The following LRP6 variants were observed in gnomAD, a reference collection of about 807,000 sequenced individuals.
The protein encoded by LRP6 is low-density lipoprotein receptor-related protein 6.
Under a neutral mutation model 184.1 loss-of-function variants are expected in LRP6, and 43 were observed. That is an observed-to-expected ratio of 0.23 (90% CI 0.18 to 0.30). The LOEUF (loss-of-function observed/expected upper bound fraction) is 0.30, where lower values mean the gene tolerates loss of function less well. Ranked by LOEUF, LRP6 falls within the 10% of genes least tolerant of loss-of-function variation. The pLI, the probability that LRP6 is intolerant of heterozygous loss-of-function variation, is 1.00. For missense variants in LRP6, 1,571 were observed against 2,005.3 expected, an observed-to-expected ratio of 0.78 and a Z score of 4.14; for synonymous variants, 719 against 684.9, an observed-to-expected ratio of 1.05 and a Z score of -0.78.
Position 12,164,425 on chromosome 12 carries a change from G to A in LRP6, c.1900C>T (p.Leu634Phe). 6.2e-7 allele frequency: 1 copy of A among 1,614,152 alleles called. No individual in the cohort carries two copies. The change falls in exon 9 of 23, where the codon CTT (leucine) becomes TTT (phenylalanine). Residue 634 changes from leucine (L) to phenylalanine (F), a missense_variant. By Grantham distance (22) the Leu-to-Phe change is conservative. This residue lies in a region of LRP6 where 640 missense variants were observed against 851.9 expected (regional missense o/e 0.75). Transcript: ENST00000261349. Reference sequence around the variant, plus strand: ...ATATCTGCTCTCCGTGAAAACAAAAGGAAAGCCTCTGGGACAATGCAGGTC... The same window carrying A: ...ATATCTGCTCTCCGTGAAAACAAAAAGAAAGCCTCTGGGACAATGCAGGTC... Reference protein sequence around the residue: ...MKTCIVPEAFLLFSRRADIRR... With the variant: ...MKTCIVPEAFFLFSRRADIRR...
intron 11 of LRP6, 70 bp from the exon 12 acceptor site, chr12:12,159,225 C>T: frequency 2.5e-6 from 3 of 1,187,272 alleles, no homozygotes; most frequent in Non-Finnish European, 3.7e-6. Flanking sequence ...AAGTGTCTTG[C>T]TGGCAAAAAG....
intron 7 of LRP6, among the ~76,000 whole-genome samples, chr12:12,172,727 A>G (rs1297024945): frequency 6.6e-6 from 1 of 152,256 alleles, no homozygotes; most frequent in Non-Finnish European, 1.5e-5. Context: ...AACATAAAAT[A>G]TAATTTCACA....
intron 15 of LRP6, among the ~76,000 whole-genome samples, chr12:12,141,258 G>T (rs745596673): frequency 1.6e-4 from 25 of 152,070 alleles, no homozygotes; most frequent in Non-Finnish European, 3.4e-4. Context: ...CAAAGGCACA[G>T]TATCAAATTC....
chr12:12,129,924 C>T (rs1048352696), intron 19 of LRP6, among the ~76,000 whole-genome samples: 9 of 152,278 alleles, frequency 5.9e-5, no homozygotes, highest in Non-Finnish European at 1.2e-4. Flanking sequence ...AATAAGCTGA[C>T]TACTCTCTCA....
intron 22 of LRP6, among the ~76,000 whole-genome samples, chr12:12,122,659 G>GT (rs1323817864): frequency 6.6e-6 from 1 of 151,810 alleles, no homozygotes; most frequent in Non-Finnish European, 1.5e-5. Context: ...GCAAGACCCC[G>GT]TCTCTACAAA....
At chr12:12,235,514 T>G (rs1390823141) in intron 2 of LRP6, among the ~76,000 whole-genome samples, 2 of 151,812 alleles carry the variant, frequency 1.3e-5, no homozygotes, top group Admixed American at 1.3e-4. Flanking sequence ...GCGGATCACC[T>G]GAGGTTGGGA....
intron 15 of LRP6, among the ~76,000 whole-genome samples, chr12:12,145,624 C>CTTTTTTTTTTTTTT (rs1157764946): frequency 2.7e-4 from 22 of 80,276 alleles, no homozygotes; most frequent in Non-Finnish European, 3.7e-4. Flanking sequence ...TTTTCTTTTT[C>CTTTTTTTTTTTTTT]TTTTTTTTTT....
intron 15 of LRP6, among the ~76,000 whole-genome samples, chr12:12,145,133 A>G (rs1295567350): frequency 6.6e-6 from 1 of 152,174 alleles, no homozygotes; most frequent in Non-Finnish European, 1.5e-5. Flanking sequence ...TTTGGAAAAA[A>G]CAATTATTCA....
chr12:12,230,908 C>A (rs141240196), intron 2 of LRP6, among the ~76,000 whole-genome samples: 2 of 152,178 alleles, frequency 1.3e-5, no homozygotes, highest in African/African-American at 4.8e-5. Context: ...CATGGCCAGG[C>A]GCAGTGGCTC....
Position 12,181,144 on chromosome 12 carries a change from A to G in LRP6, c.1272T>C (p.Thr424=), listed in dbSNP as rs755696037. ...ARNLYWTDTG[T]DRIEVTRLNG... is the part of the protein sequence containing the mutation. ...TGAGCCTTGTCACTTCTATTCGATC[A>G]GTGCCAGTGTCTGTCCAATAAAGAT... is the stretch of plus-strand genomic sequence containing the variant. Residue 424 remains threonine, a synonymous_variant, in exon 6 of 23, where the codon ACT becomes ACC. Transcript: ENST00000261349. 6.2e-7 allele frequency: 1 copy of G among 1,614,158 alleles called. No homozygotes were observed. The highest frequency in any genetic ancestry group is 8.5e-7 in the Non-Finnish European group (1 of 1,180,000).
At position 12,118,909 on chromosome 12, in the gene LRP6, A is replaced by G. The variant is rs991546761; in HGVS notation, c.*2217T>C. Reference sequence around the variant, plus strand: ...ATTAGAGTGCAAGTCTCCACATGGGAAGCCCACCAGATCAAGATGCACATT... The same window carrying G: ...ATTAGAGTGCAAGTCTCCACATGGGGAGCCCACCAGATCAAGATGCACATT... On this transcript the variant is annotated 3_prime_UTR_variant, in exon 23 of 23. Coordinates refer to ENST00000261349, the MANE Select transcript of LRP6 (RefSeq NM_002336.3). 6.6e-6 allele frequency: 1 copy of G among 152,258 alleles called. No homozygotes were observed. The highest frequency in any genetic ancestry group is 2.1e-4 in the South Asian group (1 of 4,836). The allele number at this position is 152,258 out of a possible 1,614,324, so 9.4% of individuals were successfully genotyped here.
intron 3 of LRP6, among the ~76,000 whole-genome samples, chr12:12,192,111 T>C (rs566990034): frequency 6.6e-6 from 1 of 152,164 alleles, no homozygotes; most frequent in East Asian, 1.9e-4. Context: ...GTGTTAGATA[T>C]AATAGAAATG....
chr12:12,236,189 T>A (rs951543959), intron 2 of LRP6, among the ~76,000 whole-genome samples: 1 of 152,084 alleles, frequency 6.6e-6, no homozygotes, highest in Non-Finnish European at 1.5e-5. Context: ...ATGGCGCCAC[T>A]GCACTCCAGC....
chr12:12,179,720 G>GA (rs2136987346), intron 7 of LRP6, 90 bp downstream of exon 7: 1 of 1,430,286 alleles, frequency 7.0e-7, no homozygotes, highest in East Asian at 2.3e-5. Flanking sequence ...CAACTGTTAA[G>GA]AAAAAAGAAT....
intron 3 of LRP6, among the ~76,000 whole-genome samples, chr12:12,191,800 A>G (rs1018527186): frequency 6.6e-6 from 1 of 152,108 alleles, no homozygotes; most frequent in African/African-American, 2.4e-5. Context: ...AAGTCTACGA[A>G]ATAAGAATGA....
chr12:12,132,903 T>C (rs145222170), intron 17 of LRP6, among the ~76,000 whole-genome samples: 4 of 152,310 alleles, frequency 2.6e-5, no homozygotes, highest in Non-Finnish European at 5.9e-5. Context: ...GACTGACAGG[T>C]AAATTATACA....
At position 12,212,521 on chromosome 12, in the gene LRP6, G is replaced by A. The variant is rs572683256; in HGVS notation, c.450-9121C>T. ...CACCCTAAAATAGTGCATCCCCACC[G>A]CCCCCCTGCCAAGTAAAAGTGAATA... On this transcript the variant is annotated intron_variant, in intron 2 of 22. Coordinates refer to ENST00000261349, the MANE Select transcript of LRP6 (RefSeq NM_002336.3). 8.6e-5 allele frequency among the ~76,000 whole-genome samples: 13 copies of A among 151,946 alleles called. 1 individual carries two copies. Among genetic ancestry groups the A allele is most frequent in the South Asian group, 2.1e-4 (1 of 4,808 alleles).
chr12:12,161,687 T>C (rs1862745456), intron 10 of LRP6, among the ~76,000 whole-genome samples: 2 of 152,218 alleles, frequency 1.3e-5, no homozygotes, highest in Non-Finnish European at 2.9e-5. Flanking sequence ...AAACATCATG[T>C]TGTGAACAGT....
Position 12,125,318 on chromosome 12 carries a change from G to A in LRP6, c.4427C>T (p.Thr1476Ile), listed in dbSNP as rs1220117048. Residue 1476 changes from threonine to isoleucine, a missense_variant, in exon 21 of 23, where the codon ACC becomes ATC. Transcript: ENST00000261349. Reference sequence around the variant, plus strand: ...TACTGCAGGGAAGTAAGTGCCTTTGGTGCTTGAAGAACTACTTGATGATGC... The same window carrying A: ...TACTGCAGGGAAGTAAGTGCCTTTGATGCTTGAAGAACTACTTGATGATGC... ...TGASSSSSSS[T>I]KGTYFPAILN... The A allele has an allele frequency of 6.2e-7, 1 of 1,613,898 alleles. No individual in the cohort carries two copies. The highest frequency in any genetic ancestry group is 8.5e-7 in the Non-Finnish European group (1 of 1,179,988).
Sources: allele counts gnomAD v4.1 joint callset (sites outside exome capture counted in the v4.1 genomes callset), GRCh38; gene constraint gnomAD v4.1.1; regional missense constraint gnomAD v4.1.1; transcripts MANE v1.5; gene names NCBI Gene and HGNC (gene_info 2026-07-23, HGNC 2026-07-21).